The following TNRC6C variants were observed in gnomAD, a reference collection of about 807,000 sequenced individuals.
The protein encoded by TNRC6C is trinucleotide repeat containing adaptor 6C.
Under a neutral mutation model 153.7 loss-of-function variants are expected in TNRC6C, and 20 were observed. That is an observed-to-expected ratio of 0.13 (90% CI 0.09 to 0.19). The LOEUF (loss-of-function observed/expected upper bound fraction) is 0.19. Ranked by LOEUF, TNRC6C falls within the 10% of genes least tolerant of loss-of-function variation. TNRC6C has a pLI of 1.00. For missense variants in TNRC6C, 1,987 were observed against 2,172.0 expected (o/e 0.91, Z 1.69); for synonymous variants, 811 against 841.4 (o/e 0.96, Z 0.63).
intron 1 of TNRC6C, among the ~76,000 whole-genome samples, chr17:77,979,986 G>A (rs1374265584): frequency 6.6e-6 from 1 of 152,080 alleles, no homozygotes; most frequent in East Asian, 1.9e-4. Context: ...TTTCAAAAAT[G>A]AAGTGAGAAT....
chr17:77,959,096 AGCCGCC>A (rs1005525455), upstream of TNRC6C: 2 of 142,162 alleles, frequency 1.4e-5, no homozygotes, highest in South Asian at 1.8e-4. Context: ...CCGCCGCCGC[AGCCGCC>A]GCCGCCGCCC....
At chr17:78,059,715 G>A (rs1326593148) in intron 3 of TNRC6C, among the ~76,000 whole-genome samples, 2 of 151,876 alleles carry the variant, frequency 1.3e-5, no homozygotes, top group Non-Finnish European at 2.9e-5. Flanking sequence ...TGGGCATAGT[G>A]GCACACGCCT....
At chr17:78,042,793 G>A (rs2072325449) in intron 2 of TNRC6C, among the ~76,000 whole-genome samples, 1 of 151,826 alleles carries the variant, frequency 6.6e-6, no homozygotes, top group African/African-American at 2.4e-5. Context: ...TGGTGGTGGT[G>A]GTGTTGGTGA....
chr17:77,966,032 A>G lies in TNRC6C; in HGVS notation c.-38+6764A>G, dbSNP rs541714374. Among the ~76,000 whole-genome samples the G allele has an allele frequency of 3.3e-5, 5 of 152,322 alleles. No homozygotes were observed. The East Asian group carries it at 9.6e-4, about 29-fold the overall frequency. Reference sequence around the variant, plus strand: ...AGTGGTTAGGCAAGACTTCACTTGAAATGAGTTCTGAAAGGCTGGCAAAGC... The same window carrying G: ...AGTGGTTAGGCAAGACTTCACTTGAGATGAGTTCTGAAAGGCTGGCAAAGC... On this transcript the variant is annotated intron_variant, in intron 1 of 22. Transcript: ENST00000636222.
Position 78,049,828 on chromosome 17 carries a change from C to A in TNRC6C, c.766C>A (p.Pro256Thr). The change falls in exon 3 of 20, where the codon CCT (proline) becomes ACT (threonine). Residue 256 changes from proline to threonine, a missense_variant. Pro to Thr is a conservative substitution (Grantham distance 38). Coordinates refer to ENST00000301624, the Ensembl canonical transcript of TNRC6C. The surrounding 1 kb of genome is among the most constrained non-coding windows in gnomAD (Gnocchi z 4.1). ...TGTGTGGGGACTGTCCCCAGGTAAC[C>A]CTGCCACAGGAAATAGCAATTCTGG... The A allele has an allele frequency of 6.2e-7, 1 of 1,612,768 alleles. No individual in the cohort carries two copies. Among genetic ancestry groups the A allele is most frequent in the Non-Finnish European group, 8.5e-7 (1 of 1,179,152 alleles).
At chr17:78,019,932 A>T (rs2071801010) in intron 1 of TNRC6C, among the ~76,000 whole-genome samples, 1 of 152,176 alleles carries the variant, frequency 6.6e-6, no homozygotes, top group South Asian at 2.1e-4. Flanking sequence ...ATCTGAAAAG[A>T]GTTTATGGCT....
chr17:78,091,745 T>A, intron 14 of TNRC6C, 138 bp downstream of exon 16: 1 of 994,694 alleles, frequency 1.0e-6, no homozygotes, highest in Non-Finnish European at 1.3e-6. Context: ...CATTCCATTA[T>A]AGTGCATATA....
intron 1 of TNRC6C, among the ~76,000 whole-genome samples, chr17:77,979,878 T>G (rs1598644745): frequency 6.6e-6 from 1 of 152,206 alleles, no homozygotes; most frequent in African/African-American, 2.4e-5. Context: ...CAGTCTACTT[T>G]GCAAAGAAAT....
intron 1 of TNRC6C, among the ~76,000 whole-genome samples, chr17:77,995,772 C>A (rs2071319447): frequency 6.6e-6 from 1 of 152,144 alleles, no homozygotes; most frequent in Non-Finnish European, 1.5e-5. Flanking sequence ...AAGTGGAGTG[C>A]TAGTAAAATT....
intron 2 of TNRC6C, among the ~76,000 whole-genome samples, chr17:78,042,198 A>G (rs989024410): frequency 6.6e-6 from 1 of 152,198 alleles, no homozygotes; most frequent in Admixed American, 6.5e-5. Flanking sequence ...AAACCACTTA[A>G]CAGCAGAAGA....
upstream of TNRC6C, among the ~76,000 whole-genome samples, chr17:78,002,024 T>C (rs542619380): frequency 6.6e-6 from 1 of 152,316 alleles, no homozygotes; most frequent in South Asian, 2.1e-4. Context: ...TCTTGACTTA[T>C]AAATTTATTT....
chr17:78,038,252 G>C (rs1466799207), intron 2 of TNRC6C, among the ~76,000 whole-genome samples: 2 of 152,052 alleles, frequency 1.3e-5, no homozygotes, highest in Non-Finnish European at 2.9e-5. Flanking sequence ...AATAGCAAAA[G>C]ATAAATATCT....
chr17:77,992,174 G>T (rs1319692772), intron 1 of TNRC6C, among the ~76,000 whole-genome samples: 5 of 152,170 alleles, frequency 3.3e-5, no homozygotes, highest in African/African-American at 1.2e-4. Flanking sequence ...ATTTATGGAG[G>T]ATTGTTTGAT....
At chr17:78,002,304 T>C (rs1168307469), upstream of TNRC6C, among the ~76,000 whole-genome samples, 1 of 152,140 alleles carries the variant, frequency 6.6e-6, no homozygotes, top group Middle Eastern at 3.2e-3. Flanking sequence ...CAGATTCTTC[T>C]CAGGGCCGCA....
At chr17:78,100,247 G>A (rs1266973688) in intron 17 of TNRC6C, among the ~76,000 whole-genome samples, 3 of 152,210 alleles carry the variant, frequency 2.0e-5, no homozygotes, top group African/African-American at 4.8e-5. Context: ...GCCCCAGTAG[G>A]GACTTTGTGT....
intron 1 of TNRC6C, among the ~76,000 whole-genome samples, chr17:78,023,801 T>C (rs564275929): frequency 1.3e-5 from 2 of 150,334 alleles, no homozygotes; most frequent in South Asian, 2.1e-4. Context: ...AGTGAGACCC[T>C]GTCTCAAAAA....
At chr17:78,055,324 CGTT>C (rs1303321447) in intron 3 of TNRC6C, among the ~76,000 whole-genome samples, 1 of 152,162 alleles carries the variant, frequency 6.6e-6, no homozygotes. Flanking sequence ...CACCTCCACA[CGTT>C]GTCCCATTGG....
intron 1 of TNRC6C, among the ~76,000 whole-genome samples, chr17:78,013,210 ATCTTC>A (rs1298870723): frequency 6.6e-6 from 1 of 152,236 alleles, no homozygotes; most frequent in Non-Finnish European, 1.5e-5. Flanking sequence ...AGGACTTTAG[ATCTTC>A]TGGACCAGAG....
At chr17:78,081,187 CA>C (rs2073172819) in intron 10 of TNRC6C, among the ~76,000 whole-genome samples, 1 of 151,832 alleles carries the variant, frequency 6.6e-6, no homozygotes, top group Non-Finnish European at 1.5e-5. Context: ...GGTGCTGATC[CA>C]ATTCATGGGG....
Sources: gnomAD v4.1 joint callset for allele counts (sites outside exome capture counted in the v4.1 genomes callset) on GRCh38, gnomAD v4.1.1 for gene constraint, Gnocchi (gnomAD v3.1) non-coding constraint, MANE v1.5 for transcripts, NCBI Gene and HGNC (gene_info 2026-07-23, HGNC 2026-07-21) for gene names.